The following CORO2B variants were observed in gnomAD, a reference collection of about 807,000 sequenced individuals.
CORO2B encodes the protein coronin 2B.
CORO2B carries 26 observed loss-of-function variants against 58.8 expected under a neutral mutation model. The ratio of observed to expected loss-of-function variants is 0.44; its 90% CI spans 0.32 to 0.61. The LOEUF is 0.61. CORO2B is among the 20% of genes least tolerant of loss of function. The pLI, the probability that CORO2B is intolerant of heterozygous loss-of-function variation, is 0.04. For synonymous variants in CORO2B, 242 were observed against 253.8 expected (o/e 0.95, Z 0.44); for missense variants, 460 against 645.1 (o/e 0.71, Z 3.11).
chr15:68,648,289 G>A (rs181581552), intron 2 of CORO2B, among the ~76,000 whole-genome samples: 7 of 147,888 alleles, frequency 4.7e-5, no homozygotes, highest in Admixed American at 4.1e-4. Context: ...GCGAGATTGC[G>A]CTACTGCACT....
Position 68,714,002 on chromosome 15 carries a change from C to T in CORO2B, c.726C>T (p.Val242=). ...GNMKRLLTTG[V]SRWNTRQIAL... ...TGAAGCGGCTCCTCACGACAGGGGT[C>T]TCCAGGTGGAACACAAGACAGATTG... Residue 242 remains valine, a synonymous_variant, in exon 6 of 12, where the codon GTC becomes GTT. Transcript: ENST00000261861. 1 of 1,614,084 alleles carries T rather than the reference C, an allele frequency of 6.2e-7. No homozygotes were observed. Among genetic ancestry groups the T allele is most frequent in the Non-Finnish European group, 8.5e-7 (1 of 1,179,944 alleles).
At chr15:68,540,732 A>G in the CORO2B span, among the ~76,000 whole-genome samples, 2 of 152,104 alleles carry the variant, frequency 1.3e-5, no homozygotes, top group Non-Finnish European at 2.9e-5. Flanking sequence ...TCTTAAGTAA[A>G]GTTGGCTTTT....
chr15:68,714,513 T>G, intron 6 of CORO2B, 46 bp from the exon 7 acceptor site: 11 of 1,470,828 alleles, frequency 7.5e-6, no homozygotes, highest in Non-Finnish European at 1.0e-5. Flanking sequence ...GGGAGGGGTA[T>G]GCCATCCTGC....
chr15:68,534,301 C>T, the CORO2B span, among the ~76,000 whole-genome samples: 4 of 152,030 alleles, frequency 2.6e-5, no homozygotes, highest in Admixed American at 1.3e-4. Context: ...CATATGTGTG[C>T]ACACATGCAC....
the CORO2B span, among the ~76,000 whole-genome samples, chr15:68,568,387 C>G: frequency 7.9e-5 from 12 of 152,058 alleles, no homozygotes; most frequent in Non-Finnish European, 1.6e-4. Flanking sequence ...CAAGTGCTGG[C>G]TACCATTTTC....
intron 8 of CORO2B, among the ~76,000 whole-genome samples, chr15:68,715,519 C>G (rs942049643): frequency 1.3e-5 from 2 of 152,384 alleles, no homozygotes; most frequent in African/African-American, 4.8e-5. Context: ...CTCACATCCA[C>G]CATCAGCGGC....
rs1392402187 is a variant in CORO2B, at chr15:68,710,510, C to A, written c.334-222C>A. Reference sequence around the variant, plus strand: ...CAGTTCTTAGGTCTGCAGAGACTTCCCAGAGAAAACCTCCCACAGGCAGAG... The same window carrying A: ...CAGTTCTTAGGTCTGCAGAGACTTCACAGAGAAAACCTCCCACAGGCAGAG... On this transcript the variant is annotated intron_variant, in intron 3 of 11. Coordinates refer to ENST00000261861, the MANE Select transcript of CORO2B (RefSeq NM_006091.5). The surrounding 1 kb of genome is among the most constrained non-coding windows in gnomAD (Gnocchi z 4.1). 6.6e-6 allele frequency among the ~76,000 whole-genome samples: 1 copy of A among 152,178 alleles called. No individual in the cohort carries two copies. The highest frequency in any genetic ancestry group is 2.4e-5 in the African/African-American group (1 of 41,442).
chr15:68,557,267 G>A, the CORO2B span, among the ~76,000 whole-genome samples: 1 of 152,118 alleles, frequency 6.6e-6, no homozygotes, highest in East Asian at 1.9e-4. Context: ...AAGGTTCAGG[G>A]GCCAATCTAT....
chr15:68,578,948 T>TACACCC, upstream of CORO2B: 1 of 828,828 alleles, frequency 1.2e-6, no homozygotes, highest in Non-Finnish European at 1.5e-6. This position sits in a 1 kb window ranked among gnomAD's most constrained non-coding sequence, Gnocchi z 4.2. Flanking sequence ...CGGCCCCTCT[T>TACACCC]CCTCCCCCCG....
At chr15:68,652,327 C>T (rs1901669291) in intron 2 of CORO2B, among the ~76,000 whole-genome samples, 1 of 152,178 alleles carries the variant, frequency 6.6e-6, no homozygotes, top group African/African-American at 2.4e-5. Context: ...ACCCTGATTG[C>T]CTGGCACAGC....
the CORO2B span, among the ~76,000 whole-genome samples, chr15:68,572,732 G>A: frequency 6.6e-6 from 1 of 152,160 alleles, no homozygotes; most frequent in South Asian, 2.1e-4. Flanking sequence ...TGCTGATTAG[G>A]TGTTATCAAA....
chr15:68,719,681 G>A (rs1893116926), intron 11 of CORO2B, 129 bp downstream of exon 11: 1 of 1,072,610 alleles, frequency 9.3e-7, no homozygotes, highest in Admixed American at 2.9e-5. Flanking sequence ...AATGCCATAA[G>A]TAGCCTGATA....
Position 68,600,772 on chromosome 15 carries a change from C to T in CORO2B, c.15+21495C>T, listed in dbSNP as rs547236761. Among the ~76,000 whole-genome samples the T allele has an allele frequency of 3.3e-5, 5 of 152,332 alleles. No homozygotes were observed. The East Asian group carries it at 7.7e-4, about 24-fold the overall frequency. The stretch of plus-strand genomic sequence containing the variant: ...GAGGAAATGAAAACAGTAAATGGGA[C>T]AGCCCTGGCCCAGCCTCCAGCTTCC... On this transcript the variant is annotated intron_variant, in intron 1 of 11. Transcript: ENST00000261861.
chr15:68,693,239 A>G (rs1025773150), intron 2 of CORO2B, among the ~76,000 whole-genome samples: 19 of 152,178 alleles, frequency 1.2e-4, no homozygotes, highest in Admixed American at 1.1e-3. Context: ...CAAAAGATCA[A>G]ACGATCTGGA....
the CORO2B span, among the ~76,000 whole-genome samples, chr15:68,551,890 C>A: frequency 6.6e-6 from 1 of 151,926 alleles, no homozygotes; most frequent in African/African-American, 2.4e-5. Flanking sequence ...GAAGTGAGGC[C>A]CAGAACCGAT....
chr15:68,542,274 G>C, the CORO2B span, among the ~76,000 whole-genome samples: 1 of 152,124 alleles, frequency 6.6e-6, no homozygotes, highest in South Asian at 2.1e-4. Flanking sequence ...GCAGTACTTT[G>C]CCAAATGCAG....
intron 2 of CORO2B, among the ~76,000 whole-genome samples, chr15:68,689,522 CTATTA>C (rs1267194414): frequency 2.0e-5 from 3 of 152,172 alleles, no homozygotes; most frequent in African/African-American, 4.8e-5. Context: ...TATTAATATG[CTATTA>C]TATTATCAAT....
intron 2 of CORO2B, among the ~76,000 whole-genome samples, chr15:68,686,445 G>C (rs1902980925): frequency 1.3e-5 from 2 of 152,168 alleles, no homozygotes; most frequent in African/African-American, 4.8e-5. Context: ...ACAGCCAAGT[G>C]CAGATGATAG....
chr15:68,650,584 C>T (rs1901611211), intron 2 of CORO2B, among the ~76,000 whole-genome samples: 1 of 152,236 alleles, frequency 6.6e-6, no homozygotes, highest in Non-Finnish European at 1.5e-5. Flanking sequence ...TGCACTCCAG[C>T]TTGGCGACAG....
Sources: gnomAD v4.1 joint callset for allele counts (sites outside exome capture counted in the v4.1 genomes callset) on GRCh38, gnomAD v4.1.1 for gene constraint, Gnocchi (gnomAD v3.1) non-coding constraint, MANE v1.5 for transcripts, NCBI Gene and HGNC (gene_info 2026-07-23, HGNC 2026-07-21) for gene names.